CSMD1: variants seen among roughly 807,000 people sequenced by gnomAD.
The protein encoded by CSMD1 is CUB and sushi domain-containing protein 1.
A neutral mutation model predicts 417.5 loss-of-function variants in CSMD1; 213 were observed. The ratio of observed to expected loss-of-function variants is 0.51; its 90% CI spans 0.46 to 0.57. The LOEUF (loss-of-function observed/expected upper bound fraction) is 0.57. CSMD1 is among the 20% of genes least tolerant of loss of function. The probability of loss-of-function intolerance (pLI) is 0.00; values close to 1 mark genes in which losing one functional copy is unlikely to be tolerated. For missense variants in CSMD1, 6,923 were observed against 4,529.7 expected (o/e 1.53, Z -15.17); for synonymous variants, 2,862 against 1,736.8 (o/e 1.65, Z -16.11).
At chr8:4,321,106 CTCTAG>C (rs1799249552) in intron 3 of CSMD1, among the ~76,000 whole-genome samples, 1 of 152,088 alleles carries the variant, frequency 6.6e-6, no homozygotes, top group African/African-American at 2.4e-5. Context: ...TTTGTCTAGA[CTCTAG>C]TCTAAATCAA....
intron 3 of CSMD1, among the ~76,000 whole-genome samples, chr8:4,107,131 G>C (rs904217197): frequency 5.3e-5 from 8 of 152,174 alleles, no homozygotes; most frequent in South Asian, 2.1e-4. Context: ...ACCAAGCATA[G>C]TACTGGTTCT....
rs944639399 is a variant in CSMD1 at position 4,760,793 on chromosome 8, C to CA, written c.86-123236dup. On this transcript the variant is annotated intron_variant, in intron 1 of 69. Transcript: ENST00000635120. Reference sequence around the variant, plus strand: ...GAACTAAATTTAGATCTGTCAAAAACAAAAACACGCAAAAAGATCTGCTGC... The same window carrying CA: ...GAACTAAATTTAGATCTGTCAAAAACAAAAAACACGCAAAAAGATCTGCTGC... Among the ~76,000 whole-genome samples the CA allele has an allele frequency of 7.8e-4, 119 of 152,186 alleles. 1 individual carries two copies. Among genetic ancestry groups the CA allele is most frequent in the African/African-American group, 2.8e-3 (115 of 41,546 alleles).
At chr8:3,815,641 T>TTA (rs397956997) in intron 5 of CSMD1, among the ~76,000 whole-genome samples, 1,848 of 141,292 alleles carry the variant, frequency 0.013, 42 homozygotes, top group African/African-American at 0.045. Flanking sequence ...TTTTTTTTTT[T>TTA]AACAAATAAA....
At chr8:4,019,446 A>G (rs200779570) in intron 4 of CSMD1, among the ~76,000 whole-genome samples, 2,447 of 26,470 alleles carry the variant, frequency 0.092, 73 homozygotes, top group African/African-American at 0.28. Flanking sequence ...GGAAGGGAAC[A>G]TTCCCTTATT....
At chr8:4,602,825 T>TTATTAA (rs1017302102) in intron 2 of CSMD1, among the ~76,000 whole-genome samples, 4 of 152,074 alleles carry the variant, frequency 2.6e-5, no homozygotes, top group African/African-American at 9.7e-5. Flanking sequence ...TAAGCTGACT[T>TTATTAA]TATCCTGTAT....
At chr8:4,377,353 G>A (rs1348728914) in intron 3 of CSMD1, among the ~76,000 whole-genome samples, 1 of 152,122 alleles carries the variant, frequency 6.6e-6, no homozygotes, top group Non-Finnish European at 1.5e-5. Flanking sequence ...TACTAATTTG[G>A]CTTTTAATGG....
chr8:4,042,110 G>A (rs1362037177), intron 3 of CSMD1, among the ~76,000 whole-genome samples: 1 of 151,994 alleles, frequency 6.6e-6, no homozygotes, highest in Non-Finnish European at 1.5e-5. Context: ...CAGAAAAAAA[G>A]AAGAAAAGGA....
At position 3,798,169 on chromosome 8, in the gene CSMD1, G is replaced by C. The variant is rs1049942956; in HGVS notation, c.819-44127C>G. On this transcript the variant is annotated intron_variant, in intron 5 of 69. Transcript: ENST00000635120. ...GTGCATCATATGTAGTCTTTTATTAGATAAAACAATTTTTAACATTTTCCG... is the reference window on the plus strand; with the variant it reads ...GTGCATCATATGTAGTCTTTTATTACATAAAACAATTTTTAACATTTTCCG... Among the ~76,000 whole-genome samples, 20 of 151,858 alleles carry C rather than the reference G, an allele frequency of 1.3e-4. 1 individual carries two copies. Among genetic ancestry groups the C allele is most frequent in the Non-Finnish European group, 8.8e-5 (6 of 67,892 alleles).
chr8:3,276,257 C>A (rs1017305566), intron 26 of CSMD1, among the ~76,000 whole-genome samples: 1 of 152,144 alleles, frequency 6.6e-6, no homozygotes, highest in Non-Finnish European at 1.5e-5. Context: ...CAGGGACCCA[C>A]TTGAGGAGGC....
intron 1 of CSMD1, among the ~76,000 whole-genome samples, chr8:4,889,402 G>C (rs1328635630): frequency 6.6e-6 from 1 of 152,120 alleles, no homozygotes; most frequent in East Asian, 1.9e-4. Context: ...AATGCAGTGA[G>C]TAAGCCTGAA....
At chr8:3,853,719 C>T (rs568416723) in intron 5 of CSMD1, among the ~76,000 whole-genome samples, 1 of 151,716 alleles carries the variant, frequency 6.6e-6, no homozygotes. Flanking sequence ...GAAACCACCT[C>T]GGGGTGGGGG....
intron 3 of CSMD1, among the ~76,000 whole-genome samples, chr8:4,081,071 A>G (rs1302712530): frequency 1.3e-5 from 2 of 152,266 alleles, no homozygotes; most frequent in East Asian, 1.9e-4. Context: ...TAATTCAGTA[A>G]GAATGCAACA....
intron 2 of CSMD1, among the ~76,000 whole-genome samples, chr8:4,516,853 T>A (rs1453203658): frequency 1.3e-5 from 2 of 152,144 alleles, no homozygotes; most frequent in Non-Finnish European, 2.9e-5. Flanking sequence ...ATAGCCAATT[T>A]TTTTTCTTTA....
intron 3 of CSMD1, among the ~76,000 whole-genome samples, chr8:4,186,349 G>T (rs574997257): frequency 6.6e-6 from 1 of 152,236 alleles, no homozygotes; most frequent in East Asian, 1.9e-4. Context: ...CCAGCCCTGG[G>T]CTGATTCCTA....
intron 49 of CSMD1, among the ~76,000 whole-genome samples, chr8:3,083,068 C>G (rs1435485033): frequency 6.6e-6 from 1 of 152,066 alleles, no homozygotes; most frequent in Non-Finnish European, 1.5e-5. Flanking sequence ...CTCACCTAGT[C>G]TTCTGTTTCA....
intron 3 of CSMD1, among the ~76,000 whole-genome samples, chr8:4,100,184 C>A (rs1027674617): frequency 1.3e-5 from 2 of 152,112 alleles, no homozygotes; most frequent in African/African-American, 4.8e-5. Flanking sequence ...ACTACCACTA[C>A]CTTGGGGAAG....
chr8:3,793,910 T>G (rs1054409496), intron 5 of CSMD1, among the ~76,000 whole-genome samples: 2 of 152,150 alleles, frequency 1.3e-5, no homozygotes, highest in African/African-American at 4.8e-5. Context: ...CCTTTGGAAT[T>G]GCTGTGATTC....
intron 1 of CSMD1, among the ~76,000 whole-genome samples, chr8:4,713,547 G>A (rs1302684586): frequency 6.6e-6 from 1 of 152,200 alleles, no homozygotes; most frequent in Non-Finnish European, 1.5e-5. Context: ...GACTACAGGC[G>A]GCTGCCACCA....
intron 6 of CSMD1, among the ~76,000 whole-genome samples, chr8:3,745,222 G>C (rs1264351909): frequency 1.3e-5 from 2 of 152,106 alleles, no homozygotes; most frequent in Admixed American, 6.6e-5. Flanking sequence ...GTAAATTGTA[G>C]ACTATGCCAT....
Sources: allele counts gnomAD v4.1 joint callset (sites outside exome capture counted in the v4.1 genomes callset), GRCh38; gene constraint gnomAD v4.1.1; transcripts MANE v1.5; gene names NCBI Gene and HGNC (gene_info 2026-07-23, HGNC 2026-07-21).